Variants in NIBAN2 observed in about 807,000 individuals in gnomAD.
NIBAN2 encodes the protein protein Niban 2.
In NIBAN2, 36 loss-of-function variants were observed where a neutral mutation model predicts 81.8. The ratio of observed to expected loss-of-function variants is 0.44; its 90% CI spans 0.34 to 0.58. The LOEUF (loss-of-function observed/expected upper bound fraction) is 0.58. Ranked by LOEUF, NIBAN2 falls within the 20% of genes least tolerant of loss-of-function variation. The pLI, the probability that NIBAN2 is intolerant of heterozygous loss-of-function variation, is 0.02. For synonymous variants in NIBAN2, 445 were observed against 441.6 expected (o/e 1.01, Z -0.10); for missense variants, 897 against 1,014.1 (o/e 0.88, Z 1.57).
At position 127,563,327 on chromosome 9, in the gene NIBAN2, G is replaced by A. The variant is rs760563074; in HGVS notation, c.55+5493C>T. On this transcript the variant is annotated intron_variant, in intron 1 of 13. Transcript: ENST00000373312. The surrounding 1 kb of genome is among the most constrained non-coding windows in gnomAD (Gnocchi z 4.1). ...AGACAGCATCATCCCCAGACACTTCGCCCCCAGGGGCTGACCCGGACCTTG... is the reference window on the plus strand; with the variant it reads ...AGACAGCATCATCCCCAGACACTTCACCCCCAGGGGCTGACCCGGACCTTG... Among the ~76,000 whole-genome samples, 51 of 152,230 alleles carry A rather than the reference G, an allele frequency of 3.4e-4. No individual in the cohort carries two copies. The highest frequency in any genetic ancestry group is 6.6e-4 in the Non-Finnish European group (45 of 68,040).
At chr9:127,550,030 A>T (rs1235994267) in intron 1 of NIBAN2, among the ~76,000 whole-genome samples, 1 of 152,044 alleles carries the variant, frequency 6.6e-6, no homozygotes, top group Middle Eastern at 3.2e-3. Flanking sequence ...TCCCCGGGGG[A>T]GTCCCTTGAG....
Position 127,560,972 on chromosome 9 carries a change from T to G in NIBAN2, c.55+7848A>C, listed in dbSNP as rs115855685. On this transcript the variant is annotated intron_variant, in intron 1 of 13. Transcript: ENST00000373312. ...AAAAGGCACAGAGAGGCATGGCCATTGGGTCCAGAGTCACACAGCAAGTGG... is the reference window on the plus strand; with the variant it reads ...AAAAGGCACAGAGAGGCATGGCCATGGGGTCCAGAGTCACACAGCAAGTGG... Among the ~76,000 whole-genome samples, 1,198 of 152,280 alleles carry G rather than the reference T, an allele frequency of 7.9e-3. 16 individuals are homozygous for G. The highest frequency in any genetic ancestry group is 0.027 in the African/African-American group (1,128 of 41,550).
At position 127,507,669 on chromosome 9, in the gene NIBAN2, G is replaced by A. The variant is rs1052799876; in HGVS notation, c.1654+198C>T. On this transcript the variant is annotated intron_variant, in intron 13 of 13. Transcript: ENST00000373312. The surrounding 1 kb of genome is among the most constrained non-coding windows in gnomAD (Gnocchi z 6.8). ...ACCCTCCCAGCAAAGCCAAGGACGC[G>A]AGAAGAAACTAAAGCACAGAGACGC... Among the ~76,000 whole-genome samples, 4 of 152,208 alleles carry A rather than the reference G, an allele frequency of 2.6e-5. No homozygotes were observed. Among genetic ancestry groups the A allele is most frequent in the Admixed American group, 6.5e-5 (1 of 15,280 alleles).
chr9:127,568,796 C>CGCGTG (rs775297849), intron 1 of NIBAN2, 24 bp downstream of exon 1: 53 of 1,296,474 alleles, frequency 4.1e-5, no homozygotes, highest in Non-Finnish European at 1.6e-5. Context: ...CCCCTGGGCG[C>CGCGTG]GCGTGGCGCG....
In NIBAN2 at chr9:127,559,213, A is replaced by C. The variant is rs1837728570; in HGVS notation, c.55+9607T>G. Reference sequence around the variant, plus strand: ...GGGCTCATGTCACTGCTTTGTCCCCAGTTCCCAGCTCAGGCCAGGAACAGG... The same window carrying C: ...GGGCTCATGTCACTGCTTTGTCCCCCGTTCCCAGCTCAGGCCAGGAACAGG... On this transcript the variant is annotated intron_variant, in intron 1 of 13. Transcript: ENST00000373312. This position sits in a 1 kb window ranked among gnomAD's most constrained non-coding sequence, Gnocchi z 4.0. 6.6e-6 allele frequency among the ~76,000 whole-genome samples: 1 copy of C among 152,236 alleles called. No individual in the cohort carries two copies. The highest frequency in any genetic ancestry group is 6.5e-5 in the Admixed American group (1 of 15,286).
intron 1 of NIBAN2, among the ~76,000 whole-genome samples, chr9:127,550,092 G>A (rs1452083200): frequency 1.3e-5 from 2 of 152,192 alleles, no homozygotes; most frequent in African/African-American, 4.8e-5. Context: ...GTGAAATGGG[G>A]TGGTGATACA....
chr9:127,522,583 C>T (rs558564025), intron 5 of NIBAN2, among the ~76,000 whole-genome samples: 67 of 152,210 alleles, frequency 4.4e-4, no homozygotes, highest in Admixed American at 1.3e-3. Flanking sequence ...AGAGGCCCCC[C>T]TCCAGCCCCA....
intron 1 of NIBAN2, among the ~76,000 whole-genome samples, chr9:127,556,322 C>T (rs550449013): frequency 6.6e-6 from 1 of 152,100 alleles, no homozygotes; most frequent in East Asian, 1.9e-4. Flanking sequence ...CCACCCCAAG[C>T]CCCTCCCACA....
intron 1 of NIBAN2, among the ~76,000 whole-genome samples, chr9:127,552,578 A>AAAAC (rs1209013870): frequency 2.0e-5 from 3 of 152,198 alleles, no homozygotes; most frequent in Non-Finnish European, 2.9e-5. Context: ...TGCCATCTCA[A>AAAAC]AAACAAACAA....
Position 127,523,854 on chromosome 9 carries a change from G to A in NIBAN2, c.422-8C>T, listed in dbSNP as rs1293221299. The A allele has an allele frequency of 1.2e-6, 2 of 1,604,934 alleles. No homozygotes were observed. Among genetic ancestry groups the A allele is most frequent in the Admixed American group, 3.3e-5 (2 of 59,878 alleles). On this transcript the variant is annotated splice_polypyrimidine_tract_variant and splice_region_variant and intron_variant, in intron 4 of 13. Coordinates refer to ENST00000373312, the MANE Select transcript of NIBAN2 (RefSeq NM_022833.4). ...CCGACTTTGCCGTGGTCCCTGTGGAGACAGTGCCTGATGAGCAGCTGCCCT... is the reference window on the plus strand; with the variant it reads ...CCGACTTTGCCGTGGTCCCTGTGGAAACAGTGCCTGATGAGCAGCTGCCCT...
intron 1 of NIBAN2, among the ~76,000 whole-genome samples, chr9:127,555,847 G>A (rs1352165702): frequency 6.6e-6 from 1 of 152,212 alleles, no homozygotes; most frequent in East Asian, 1.9e-4. Context: ...TAGTTGTTCT[G>A]TGTGTCTCCT....
In NIBAN2 at chr9:127,517,087, G is replaced by A. The variant is rs201106164; in HGVS notation, c.810+25C>T. 2,429 of 1,611,064 alleles carry A rather than the reference G, an allele frequency of 1.5e-3. 41 individuals carry two copies. The South Asian group carries it at 0.025, about 16-fold the overall frequency. ...CGCACCAGCTGCAGGTCCCGTCCCC[G>A]CTCCAGGGCCCCAGGCCCACCCACC... On this transcript the variant is annotated intron_variant, in intron 7 of 13. Coordinates refer to ENST00000373312, the MANE Select transcript of NIBAN2 (RefSeq NM_022833.4). The surrounding 1 kb of genome is among the most constrained non-coding windows in gnomAD (Gnocchi z 4.0).
upstream of NIBAN2, among the ~76,000 whole-genome samples, chr9:127,572,026 A>C (rs909847286): frequency 1.6e-3 from 243 of 152,296 alleles, 1 homozygote; most frequent in Non-Finnish European, 2.6e-4. Context: ...ATTATACTTC[A>C]ACAAAGTTTA....
At chr9:127,526,776 C>T (rs1308172267) in intron 3 of NIBAN2, among the ~76,000 whole-genome samples, 3 of 152,096 alleles carry the variant, frequency 2.0e-5, no homozygotes, top group South Asian at 2.1e-4. Context: ...GGCAAGCCAC[C>T]GCAAGGAATG....
At chr9:127,519,394 G>A (rs1271114498) in intron 5 of NIBAN2, among the ~76,000 whole-genome samples, 1 of 152,072 alleles carries the variant, frequency 6.6e-6, no homozygotes, top group African/African-American at 2.4e-5. Flanking sequence ...GTGGTCAAAC[G>A]CCACCGAGCC....
chr9:127,562,613 G>A (rs559220393), intron 1 of NIBAN2, among the ~76,000 whole-genome samples: 18 of 152,322 alleles, frequency 1.2e-4, no homozygotes, highest in Middle Eastern at 3.4e-3. Context: ...AGCCCCGAAC[G>A]ATGCTCAGAG....
intron 1 of NIBAN2, 104 bp downstream of exon 1, chr9:127,568,716 T>G: frequency 9.6e-7 from 1 of 1,043,286 alleles, no homozygotes; most frequent in Non-Finnish European, 1.2e-6. Flanking sequence ...CCGGCCTGAC[T>G]CCCCCGAGCC....
intron 8 of NIBAN2, among the ~76,000 whole-genome samples, chr9:127,515,245 G>A (rs186691521): frequency 1.3e-5 from 2 of 152,238 alleles, no homozygotes; most frequent in Admixed American, 1.3e-4. Context: ...GGGCGGCCAG[G>A]CGCGGTGGCT....
At chr9:127,574,645 CA>C (rs1837987035) in intron 1 of NIBAN2, among the ~76,000 whole-genome samples, 1 of 152,084 alleles carries the variant, frequency 6.6e-6, no homozygotes. Flanking sequence ...ACAAACCTGT[CA>C]AACCTGAAAT....
Sources: allele counts gnomAD v4.1 joint callset (sites outside exome capture counted in the v4.1 genomes callset), GRCh38; gene constraint gnomAD v4.1.1; non-coding constraint Gnocchi (gnomAD v3.1); transcripts MANE v1.5; gene names NCBI Gene and HGNC (gene_info 2026-07-23, HGNC 2026-07-21).